MACROD2: variants seen among roughly 807,000 people sequenced by gnomAD.
The protein encoded by MACROD2 is mono-ADP ribosylhydrolase 2.
A neutral mutation model predicts 70.4 loss-of-function variants in MACROD2; 36 were observed. The ratio of observed to expected loss-of-function variants is 0.51; its 90% CI spans 0.39 to 0.68. The LOEUF is 0.68. Among genes scored for constraint, MACROD2 ranks in the 30% least tolerant of loss-of-function variants. MACROD2 has a pLI of 0.00. For missense variants in MACROD2, 496 were observed against 538.4 expected (o/e 0.92, Z 0.78); for synonymous variants, 172 against 178.8 (o/e 0.96, Z 0.30).
intron 3 of MACROD2, among the ~76,000 whole-genome samples, chr20:14,190,815 C>T (rs190772502): frequency 0.019 from 2,786 of 146,332 alleles, 39 homozygotes; most frequent in South Asian, 0.033. Flanking sequence ...TCATGCCATT[C>T]TCCTGCCTCA....
intron 5 of MACROD2, among the ~76,000 whole-genome samples, chr20:15,127,587 T>G (rs1363710050): frequency 3.2e-4 from 48 of 152,074 alleles, no homozygotes; most frequent in Admixed American, 3.1e-3. Flanking sequence ...CTTACTGATG[T>G]GGTTGTTTAT....
At chr20:14,782,268 A>T (rs1415476199) in intron 5 of MACROD2, among the ~76,000 whole-genome samples, 5 of 152,064 alleles carry the variant, frequency 3.3e-5, no homozygotes, top group Non-Finnish European at 7.4e-5. Flanking sequence ...AATAATCATT[A>T]GCAGTAATAA....
At chr20:14,502,237 C>T (rs1464699535) in intron 4 of MACROD2, among the ~76,000 whole-genome samples, 1 of 152,102 alleles carries the variant, frequency 6.6e-6, no homozygotes, top group African/African-American at 2.4e-5. Context: ...CAAGGTGGGG[C>T]AATTTCTTAG....
At chr20:14,212,274 T>C (rs1160037628) in intron 3 of MACROD2, among the ~76,000 whole-genome samples, 1 of 152,040 alleles carries the variant, frequency 6.6e-6, no homozygotes, top group Non-Finnish European at 1.5e-5. Context: ...ATATGAAAAA[T>C]GTCATTGAGC....
chr20:15,054,310 A>G (rs756301435), intron 5 of MACROD2, among the ~76,000 whole-genome samples: 3 of 152,188 alleles, frequency 2.0e-5, no homozygotes, highest in Non-Finnish European at 2.9e-5. Context: ...TTTTTTGTGA[A>G]AGAGTCAGTT....
chr20:14,589,833 A>G (rs1026595051), intron 4 of MACROD2, among the ~76,000 whole-genome samples: 1 of 152,198 alleles, frequency 6.6e-6, no homozygotes, highest in African/African-American at 2.4e-5. Flanking sequence ...AGTTCACTAA[A>G]TGCTACATAC....
intron 5 of MACROD2, among the ~76,000 whole-genome samples, chr20:15,104,752 G>A (rs1407278140): frequency 6.6e-6 from 1 of 151,940 alleles, no homozygotes; most frequent in Non-Finnish European, 1.5e-5. Flanking sequence ...CCTCCATCTT[G>A]AATATGGGAT....
At chr20:14,391,330 TGGAGC>T (rs2083524277) in intron 3 of MACROD2, among the ~76,000 whole-genome samples, 1 of 152,188 alleles carries the variant, frequency 6.6e-6, no homozygotes, top group Non-Finnish European at 1.5e-5. Context: ...GGGATATGGA[TGGAGC>T]CGGAGGCCAT....
intron 9 of MACROD2, among the ~76,000 whole-genome samples, chr20:15,871,846 A>G (rs2064589235): frequency 6.6e-6 from 1 of 152,202 alleles, no homozygotes; most frequent in African/African-American, 2.4e-5. Flanking sequence ...AATTGAGCCT[A>G]AGAGTAAGTC....
intron 8 of MACROD2, among the ~76,000 whole-genome samples, chr20:15,633,748 A>C (rs141348097): frequency 6.6e-6 from 1 of 152,332 alleles, no homozygotes; most frequent in East Asian, 1.9e-4. Context: ...TTAAGTTAAT[A>C]GTATTTTAAA....
chr20:15,447,832 G>A (rs1430009248), intron 7 of MACROD2, among the ~76,000 whole-genome samples: 1 of 152,076 alleles, frequency 6.6e-6, no homozygotes, highest in African/African-American at 2.4e-5. Flanking sequence ...ATCTAATGGG[G>A]GAGTGACTCA....
chr20:15,814,500 C>T (rs2147092880), intron 8 of MACROD2, among the ~76,000 whole-genome samples: 1 of 152,254 alleles, frequency 6.6e-6, no homozygotes, highest in Non-Finnish European at 1.5e-5. Context: ...TAATAATTCA[C>T]CCATTATTGA....
At chr20:15,031,820 C>T (rs1486118632) in intron 5 of MACROD2, among the ~76,000 whole-genome samples, 1 of 152,122 alleles carries the variant, frequency 6.6e-6, no homozygotes, top group African/African-American at 2.4e-5. Flanking sequence ...GGCAGCCTGG[C>T]TCCCAGGCTT....
chr20:14,821,944 A>G (rs1792823208), intron 5 of MACROD2, among the ~76,000 whole-genome samples: 1 of 152,092 alleles, frequency 6.6e-6, no homozygotes. Flanking sequence ...TTCTACAAGT[A>G]TAGTTGTTTT....
chr20:15,629,859 C>T (rs764710091), intron 8 of MACROD2, among the ~76,000 whole-genome samples: 3 of 151,972 alleles, frequency 2.0e-5, no homozygotes, highest in African/African-American at 4.8e-5. Context: ...TTTCCTAAAT[C>T]GCAAAATCAA....
intron 8 of MACROD2, among the ~76,000 whole-genome samples, chr20:15,748,076 T>C (rs1349415841): frequency 6.6e-6 from 1 of 152,084 alleles, no homozygotes; most frequent in African/African-American, 2.4e-5. Flanking sequence ...TGCAGATCTC[T>C]TTCTGCTGTC....
intron 4 of MACROD2, among the ~76,000 whole-genome samples, chr20:14,664,601 T>G (rs745916550): frequency 2.0e-5 from 3 of 152,038 alleles, no homozygotes; most frequent in Non-Finnish European, 2.9e-5. Flanking sequence ...CATCCTGACT[T>G]GGGACTAAGA....
chr20:14,924,639 C>A lies in MACROD2; in HGVS notation c.418+239680C>A, dbSNP rs2074206671. ...AACAATCACCCTTATATATGTAGCT[C>A]TTTAGTCTGCACCAAGACACTGTCC... On this transcript the variant is annotated intron_variant, in intron 5 of 17. Transcript: ENST00000684519. Among the ~76,000 whole-genome samples, 3 of 152,088 alleles carry A rather than the reference C, an allele frequency of 2.0e-5. No individual in the cohort carries two copies. The South Asian group carries it at 6.2e-4, about 32-fold the overall frequency.
intron 5 of MACROD2, among the ~76,000 whole-genome samples, chr20:15,202,947 C>T (rs965290749): frequency 1.3e-5 from 2 of 152,090 alleles, no homozygotes; most frequent in Non-Finnish European, 2.9e-5. Context: ...AAAAATGTAA[C>T]ATTTTATTCC....
Sources: gnomAD v4.1 joint callset for allele counts (sites outside exome capture counted in the v4.1 genomes callset) on GRCh38, gnomAD v4.1.1 for gene constraint, MANE v1.5 for transcripts, NCBI Gene and HGNC (gene_info 2026-07-23, HGNC 2026-07-21) for gene names.